The following RAB25 variants were observed in gnomAD, a reference collection of about 807,000 sequenced individuals.
RAB25 encodes RAB25, member RAS oncogene family, also known as ras-related protein Rab-25.
Under a neutral mutation model 25.2 loss-of-function variants are expected in RAB25, and 23 were observed. The ratio of observed to expected loss-of-function variants is 0.91; its 90% CI spans 0.66 to 1.29. RAB25 has a LOEUF of 1.29. Among genes scored for constraint, RAB25 ranks in the 50% most tolerant of loss-of-function variants. The probability of loss-of-function intolerance (pLI) is 0.00; values close to 1 mark genes in which losing one functional copy is unlikely to be tolerated. For missense variants in RAB25, 244 were observed against 277.3 expected (o/e 0.88, Z 0.85); for synonymous variants, 102 against 111.5 (o/e 0.91, Z 0.54).
intron 2 of RAB25, chr1:156,066,375 C>A (rs1395090545): frequency 4.9e-5 from 16 of 325,610 alleles, no homozygotes. Flanking sequence ...AGTTACTTTA[C>A]ATTTGGCATT....
chr1:156,070,378 A>T lies in RAB25; in HGVS notation c.*91A>T. 1 of 1,516,498 alleles carries T rather than the reference A, an allele frequency of 6.6e-7. No homozygotes were observed. Among genetic ancestry groups the T allele is most frequent in the Non-Finnish European group, 8.9e-7 (1 of 1,121,940 alleles). The allele number at this position is 1,516,498 out of a possible 1,614,324, so 93.9% of individuals were successfully genotyped here. A position where few individuals can be genotyped will look rare whatever the true frequency, so the allele number is the denominator to read the frequency against. On this transcript the variant is annotated 3_prime_UTR_variant, in exon 5 of 5. Transcript: ENST00000361084. ...ACCTTTCCTTGCCCTTTGGTTCCAG[A>T]TATCAGACTGTTCCCTGTTCACAGC...
In RAB25 at chr1:156,061,435, T is replaced by C; in HGVS notation, c.35T>C (p.Val12Ala). ...GNGTEEDYNF[V>A]FKVVLIGESG... ...GGAACTGAGGAAGATTATAACTTTG[T>C]CTTCAAGGGTGAGTTGGGTTCCCTG... Residue 12 changes from valine (V) to alanine (A), a missense_variant, in exon 1 of 5, where the codon GTC (valine) becomes GCC (alanine). Coordinates refer to ENST00000361084, the MANE Select transcript of RAB25 (RefSeq NM_020387.4). 6.2e-6 allele frequency: 10 copies of C among 1,614,002 alleles called. No individual in the cohort carries two copies. Among genetic ancestry groups the C allele is most frequent in the Non-Finnish European group, 7.6e-6 (9 of 1,179,916 alleles).
rs534531639 is a variant in RAB25 at position 156,069,687 on chromosome 1, C to A, written c.450C>A (p.Leu150=). 2.9e-5 allele frequency: 47 copies of A among 1,612,362 alleles called. No individual in the cohort carries two copies. Among genetic ancestry groups the A allele is most frequent in the Non-Finnish European group, 3.9e-5 (46 of 1,178,538 alleles). The part of the protein sequence containing the change: ...ARMFAENNGL[L]FLETSALDST... Reference sequence around the variant, plus strand: ...TCCTGGCAGAAAACAATGGACTGCTCTTCCTGGAGACCTCAGCCCTGGACT... The same window carrying A: ...TCCTGGCAGAAAACAATGGACTGCTATTCCTGGAGACCTCAGCCCTGGACT... The change falls in exon 4 of 5, where the codon CTC becomes CTA. Residue 150 remains leucine (L), a synonymous_variant. Transcript: ENST00000361084.
At chr1:156,069,115 A>T (rs1213954541) in intron 3 of RAB25, among the ~76,000 whole-genome samples, 1 of 152,192 alleles carries the variant, frequency 6.6e-6, no homozygotes, top group Non-Finnish European at 1.5e-5. Flanking sequence ...CTGGAGTCCC[A>T]TGGCCCAGTC....
At chr1:156,064,611 C>T (rs562388718) in intron 1 of RAB25, among the ~76,000 whole-genome samples, 16 of 152,190 alleles carry the variant, frequency 1.1e-4, no homozygotes, top group Middle Eastern at 6.8e-3. Flanking sequence ...GATGGGGTTT[C>T]ACCGTGTTAC....
intron 4 of RAB25, 50 bp from the exon 5 acceptor site, chr1:156,070,110 A>G (rs766369550): frequency 6.2e-7 from 1 of 1,613,898 alleles, no homozygotes; most frequent in Non-Finnish European, 8.5e-7. Flanking sequence ...GGGAGAAGGG[A>G]GCATGGGCTC....
chr1:156,069,955 A>T, intron 4 of RAB25: 2 of 874,910 alleles, frequency 2.3e-6, no homozygotes, highest in South Asian at 3.1e-5. Context: ...CACACTCCCC[A>T]TGGGGCTGAC....
intron 1 of RAB25, among the ~76,000 whole-genome samples, chr1:156,064,135 T>TACACAC (rs138319500): frequency 6.6e-6 from 1 of 151,450 alleles, no homozygotes; most frequent in African/African-American, 2.4e-5. Flanking sequence ...CACACACATA[T>TACACAC]ACACACACAC....
Position 156,061,504 on chromosome 1 carries a change from G to C in RAB25, c.43+61G>C, listed in dbSNP as rs530642774. On this transcript the variant is annotated intron_variant, in intron 1 of 4. Transcript: ENST00000361084. Reference sequence around the variant, plus strand: ...GAGACCCAGAAAGAGATTGAATAGAGCCAGAGAGGGCCCCCTCCTGTTTTT... The same window carrying C: ...GAGACCCAGAAAGAGATTGAATAGACCCAGAGAGGGCCCCCTCCTGTTTTT... 53 of 1,531,334 alleles carry C rather than the reference G, an allele frequency of 3.5e-5. No individual in the cohort carries two copies. The South Asian group carries it at 5.3e-4, about 15-fold the overall frequency. The allele number at this position is 1,531,334 out of a possible 1,614,324, so 94.9% of individuals were successfully genotyped here.
chr1:156,064,104 T>C (rs1312164413), intron 1 of RAB25, among the ~76,000 whole-genome samples: 1 of 151,750 alleles, frequency 6.6e-6, no homozygotes, highest in Non-Finnish European at 1.5e-5. Context: ...ATGTGCCCAG[T>C]AGGGGAGAGG....
At chr1:156,068,571 T>C (rs1165270996) in intron 3 of RAB25, 108 bp downstream of exon 3, 10 of 1,029,844 alleles carry the variant, frequency 9.7e-6, no homozygotes, top group Middle Eastern at 3.2e-4. Flanking sequence ...CTGGCCTTCC[T>C]CCATACAGTC....
At chr1:156,068,979 GT>G (rs1647831154) in intron 3 of RAB25, among the ~76,000 whole-genome samples, 1 of 151,832 alleles carries the variant, frequency 6.6e-6, no homozygotes, top group Non-Finnish European at 1.5e-5. Context: ...GTGAGCCACT[GT>G]GCCCGGCCCG....
intron 1 of RAB25, among the ~76,000 whole-genome samples, chr1:156,063,670 G>A (rs1482959879): frequency 2.6e-5 from 4 of 152,208 alleles, no homozygotes; most frequent in African/African-American, 9.7e-5. Context: ...CGCTGAAGGA[G>A]CTGACAGCTG....
rs1438293475 is a variant in RAB25 at position 156,069,889 on chromosome 1, C to T, written c.514+138C>T. On this transcript the variant is annotated intron_variant, in intron 4 of 4. Transcript: ENST00000361084. ...GGGTCCTGGCACCACTGCCTGTCCC[C>T]CTCAGTCCCTCCCCAGTGCCTCCCA... 7 of 893,210 alleles carry T rather than the reference C, an allele frequency of 7.8e-6. No individual in the cohort carries two copies. In the Admixed American group the frequency reaches 1.3e-4, roughly 17 times the overall value. The allele number at this position is 893,210 out of a possible 1,614,324, so 55.3% of individuals were successfully genotyped here. A position where few individuals can be genotyped will look rare whatever the true frequency, so the allele number is the denominator to read the frequency against.
rs758128916 is a variant in RAB25 at position 156,061,361 on chromosome 1, C to T, written c.-40C>T. ...GAGCCAACACACAGATTTGTCGCCTCTGTCCCCGAAGACACCTGCACCCTC... is the reference window on the plus strand; with the variant it reads ...GAGCCAACACACAGATTTGTCGCCTTTGTCCCCGAAGACACCTGCACCCTC... On this transcript the variant is annotated 5_prime_UTR_variant, in exon 1 of 5. Coordinates refer to ENST00000361084, the MANE Select transcript of RAB25 (RefSeq NM_020387.4). 1.2e-6 allele frequency: 2 copies of T among 1,608,320 alleles called. No homozygotes were observed. The highest frequency in any genetic ancestry group is 1.7e-5 in the Admixed American group (1 of 59,990).
chr1:156,069,610 A>G, intron 3 of RAB25, 61 bp from the exon 4 acceptor site: 2 of 1,272,268 alleles, frequency 1.6e-6, no homozygotes, highest in Non-Finnish European at 2.3e-6. Flanking sequence ...GCAAACATTA[A>G]TATTATTATT....
At position 156,066,487 on chromosome 1, in the gene RAB25, G is replaced by A. The variant is rs566168246; in HGVS notation, c.239+381G>A. ...ATCAGGGTGGAGCTAGGATGGGGGC[G>A]AGCTGCACGGATCGAGAGCGCCCCC... On this transcript the variant is annotated intron_variant, in intron 2 of 4. Coordinates refer to ENST00000361084, the MANE Select transcript of RAB25 (RefSeq NM_020387.4). Among the ~76,000 whole-genome samples the A allele has an allele frequency of 3.9e-5, 6 of 152,294 alleles. No individual in the cohort carries two copies. In the South Asian group the frequency reaches 1.0e-3, roughly 26 times the overall value.
intron 1 of RAB25, 108 bp from the exon 2 acceptor site, chr1:156,065,803 C>CT (rs1469506037): frequency 3.3e-6 from 3 of 905,140 alleles, no homozygotes; most frequent in Non-Finnish European, 4.9e-6. Context: ...GTTCCCTAAT[C>CT]TTTTTTCTGA....
At chr1:156,064,316 T>C (rs537907100) in intron 1 of RAB25, among the ~76,000 whole-genome samples, 4 of 151,696 alleles carry the variant, frequency 2.6e-5, no homozygotes, top group Admixed American at 2.6e-4. Context: ...TCACAGTTCA[T>C]TGCAGCCACA....
Sources: gnomAD v4.1 joint callset for allele counts (sites outside exome capture counted in the v4.1 genomes callset) on GRCh38, gnomAD v4.1.1 for gene constraint, MANE v1.5 for transcripts, NCBI Gene and HGNC (gene_info 2026-07-23, HGNC 2026-07-21) for gene names.